The following HEPH variants were observed in gnomAD, a reference collection of about 807,000 sequenced individuals.
HEPH encodes hephaestin.
Under a neutral mutation model 80.8 loss-of-function variants are expected in HEPH, and 69 were observed. The ratio of observed to expected loss-of-function variants is 0.85; its 90% CI spans 0.70 to 1.04. The LOEUF (loss-of-function observed/expected upper bound fraction) is 1.04, where lower values mean the gene tolerates loss of function less well. HEPH is among the 50% of genes least tolerant of loss of function. HEPH has a pLI of 0.00. For missense variants in HEPH, 1,115 were observed against 891.3 expected (o/e 1.25, Z -3.20); for synonymous variants, 431 against 322.8 (o/e 1.34, Z -3.60).
intron 15 of HEPH, among the ~76,000 whole-genome samples, chrX:66,247,364 C>T (rs975093763): frequency 2.8e-5 from 3 of 106,439 alleles, no homozygotes; most frequent in Non-Finnish European, 3.9e-5. Context: ...TCATTATTCT[C>T]TCCTTCTGCT....
chrX:66,212,651 A>T, intron 15 of HEPH, among the ~76,000 whole-genome samples: 1 of 111,030 alleles, frequency 9.0e-6, no homozygotes, highest in Middle Eastern at 4.7e-3. Flanking sequence ...ATATTTTTGG[A>T]TTTTCTATTC....
At chrX:66,214,714 A>T (rs1235859670) in intron 15 of HEPH, among the ~76,000 whole-genome samples, 1 of 92,995 alleles carries the variant, frequency 1.1e-5, no homozygotes, top group Admixed American at 1.1e-4. Context: ...ATTTTTCTTT[A>T]TATAGAAAGA....
chrX:66,260,738 G>T (rs1831369452), intron 19 of HEPH, among the ~76,000 whole-genome samples: 1 of 110,934 alleles, frequency 9.0e-6, no homozygotes. Flanking sequence ...TTTGTTCTAT[G>T]GGGTTGTGAA....
intron 15 of HEPH, among the ~76,000 whole-genome samples, chrX:66,236,804 A>C (rs1038288884): frequency 2.0e-4 from 22 of 110,749 alleles, no homozygotes; most frequent in African/African-American, 7.2e-4. Flanking sequence ...AGGGCTTTTT[A>C]TTGGCCTGTT....
chrX:66,192,777 C>A (rs1184586770), intron 7 of HEPH, among the ~76,000 whole-genome samples: 1 of 111,573 alleles, frequency 9.0e-6, no homozygotes, highest in African/African-American at 3.3e-5. Context: ...CTATCACATG[C>A]CCATTCTTTT....
intron 1 of HEPH, among the ~76,000 whole-genome samples, chrX:66,165,863 C>T (rs1278347412): frequency 9.0e-6 from 1 of 110,524 alleles, no homozygotes; most frequent in Non-Finnish European, 1.9e-5. Flanking sequence ...TATTTCATTT[C>T]TCCTTTTATT....
intron 15 of HEPH, among the ~76,000 whole-genome samples, chrX:66,249,244 A>G (rs1218163394): frequency 9.0e-6 from 1 of 111,493 alleles, no homozygotes; most frequent in Non-Finnish European, 1.9e-5. Context: ...CATGGGCTCA[A>G]ATTTCAGCTA....
Position 66,172,381 on chromosome X carries a change from A to T in HEPH, c.194A>T (p.Asp65Val). 8.4e-7 allele frequency: 1 copy of T among 1,190,043 alleles called. No homozygotes were observed. Among genetic ancestry groups the T allele is most frequent in the Non-Finnish European group, 1.1e-6 (1 of 884,521 alleles). The change falls in exon 3 of 21, where the codon GAC becomes GTC. Residue 65 changes from aspartate to valine, a missense_variant. This residue lies in a region of HEPH where 391 missense variants were observed against 343.6 expected (regional missense o/e 1.14). Coordinates refer to ENST00000343002, the MANE Select transcript of HEPH (RefSeq NM_001367233.3). ...DIVASSFLKS[D>V]KNRIGGTYKK... Reference sequence around the variant, plus strand: ...GTGGCTTCCAGCTTCTTAAAGTCTGACAAGAACCGGATAGGGGGAACCTAC... The same window carrying T: ...GTGGCTTCCAGCTTCTTAAAGTCTGTCAAGAACCGGATAGGGGGAACCTAC...
At chrX:66,248,178 G>T (rs1167992639) in intron 15 of HEPH, among the ~76,000 whole-genome samples, 1 of 111,140 alleles carries the variant, frequency 9.0e-6, no homozygotes, top group East Asian at 2.8e-4. Context: ...CTCTAGTACT[G>T]TAGTACCACC....
intron 15 of HEPH, among the ~76,000 whole-genome samples, chrX:66,236,791 T>G (rs1445220026): frequency 9.0e-6 from 1 of 111,612 alleles, no homozygotes; most frequent in Non-Finnish European, 1.9e-5. Flanking sequence ...CTGATTCAAC[T>G]TCAGGGCTTT....
chrX:66,200,813 G>A lies in HEPH; in HGVS notation c.2077+61G>A, dbSNP rs188007740. 3.0e-4 allele frequency: 281 copies of A among 927,869 alleles called. 2 individuals are homozygous for A. The East Asian group carries it at 6.8e-3, about 22-fold the overall frequency. 76.5% of individuals were successfully genotyped at this position (927,869 alleles called of 1,213,427 possible). On this transcript the variant is annotated intron_variant, in intron 12 of 20. Coordinates refer to ENST00000343002, the MANE Select transcript of HEPH (RefSeq NM_001367233.3). Reference sequence around the variant, plus strand: ...TGGGTATAGGGCCAGGAATGGGGTCGGGAAGAGGGAGGGATGGTGAAGAGA... The same window carrying A: ...TGGGTATAGGGCCAGGAATGGGGTCAGGAAGAGGGAGGGATGGTGAAGAGA...
chrX:66,166,632 T>C (rs1322631091), intron 1 of HEPH, among the ~76,000 whole-genome samples: 2 of 112,059 alleles, frequency 1.8e-5, no homozygotes, highest in South Asian at 7.4e-4. Flanking sequence ...ATGTCAATAA[T>C]TAGAAGGAAG....
intron 15 of HEPH, among the ~76,000 whole-genome samples, chrX:66,254,023 T>C (rs1344115325): frequency 2.7e-5 from 3 of 111,286 alleles, no homozygotes; most frequent in African/African-American, 6.5e-5. Context: ...TCGTGGTGGT[T>C]ACAAAGTTCT....
intron 12 of HEPH, among the ~76,000 whole-genome samples, chrX:66,202,286 G>T (rs979598584): frequency 4.5e-5 from 5 of 111,650 alleles, no homozygotes; most frequent in African/African-American, 1.3e-4. Flanking sequence ...TAGTTGGAGT[G>T]CTAGTTGAGT....
chrX:66,231,338 A>T (rs1401564335), intron 15 of HEPH, among the ~76,000 whole-genome samples: 4 of 104,182 alleles, frequency 3.8e-5, no homozygotes, highest in Non-Finnish European at 7.9e-5. Flanking sequence ...CTTGATGGGG[A>T]TGGCATTGAA....
rs376092349 is a variant in HEPH at position 66,208,389 on chromosome X, C to A, written c.2563+143C>A. 5.5e-6 allele frequency: 3 copies of A among 543,249 alleles called. No individual in the cohort carries two copies. In the Admixed American group the frequency reaches 1.2e-4, roughly 22 times the overall value. The allele number at this position is 543,249 out of a possible 1,213,427, so 44.8% of individuals were successfully genotyped here. ...ATCCCAGCAGTTTGAGAGGCTGAGG[C>A]GGGTGGATCACTTGAGGTTAGGAGT... On this transcript the variant is annotated intron_variant, in intron 15 of 20. Coordinates refer to ENST00000343002, the MANE Select transcript of HEPH (RefSeq NM_001367233.3).
At chrX:66,244,673 A>T (rs2090733804) in intron 15 of HEPH, among the ~76,000 whole-genome samples, 1 of 111,384 alleles carries the variant, frequency 9.0e-6, no homozygotes, top group Non-Finnish European at 1.9e-5. Context: ...TTTCAGCCTG[A>T]TTAAGAACCA....
chrX:66,238,718 A>G (rs1289738416), intron 15 of HEPH, among the ~76,000 whole-genome samples: 1 of 111,690 alleles, frequency 9.0e-6, no homozygotes, highest in Non-Finnish European at 1.9e-5. Flanking sequence ...CTGATGACAC[A>G]GAAGTATAGA....
At chrX:66,230,488 T>A (rs1245279575) in intron 15 of HEPH, among the ~76,000 whole-genome samples, 235 of 108,757 alleles carry the variant, frequency 2.2e-3, no homozygotes, top group African/African-American at 7.7e-3. Flanking sequence ...TGAGATGGTA[T>A]CTCATAGTGG....
Sources: gnomAD v4.1 joint callset for allele counts (sites outside exome capture counted in the v4.1 genomes callset) on GRCh38, gnomAD v4.1.1 for gene constraint, gnomAD v4.1.1 regional missense constraint, MANE v1.5 for transcripts, NCBI Gene and HGNC (gene_info 2026-07-23, HGNC 2026-07-21) for gene names.